The following PHF21B variants were observed in gnomAD, a reference collection of about 807,000 sequenced individuals.
The protein encoded by PHF21B is PHD finger protein 21B.
PHF21B carries 22 observed loss-of-function variants against 62.2 expected under a neutral mutation model. That is an observed-to-expected ratio of 0.35 (90% CI 0.25 to 0.51). The LOEUF is 0.51. Ranked by LOEUF, PHF21B falls within the 20% of genes least tolerant of loss-of-function variation. The pLI, the probability that PHF21B is intolerant of heterozygous loss-of-function variation, is 0.97. For synonymous variants in PHF21B, 341 were observed against 314.7 expected, an observed-to-expected ratio of 1.08 and a Z score of -0.88; for missense variants, 701 against 707.9, an observed-to-expected ratio of 0.99 and a Z score of 0.11.
At chr22:44,884,561 C>A (rs538983630) in intron 12 of PHF21B, among the ~76,000 whole-genome samples, 2 of 58,990 alleles carry the variant, frequency 3.4e-5, no homozygotes, top group Admixed American at 1.9e-4. Context: ...CAACCATGAT[C>A]GCCATTATCA....
At position 45,009,664 on chromosome 22, in the gene PHF21B, G is replaced by C. The variant is rs987687108; in HGVS notation, c.-115C>G. On this transcript the variant is annotated 5_prime_UTR_variant, in exon 1 of 13. Coordinates refer to ENST00000313237, the MANE Select transcript of PHF21B (RefSeq NM_138415.5). This position sits in a 1 kb window ranked among gnomAD's most constrained non-coding sequence, Gnocchi z 5.9. Reference sequence around the variant, plus strand: ...GGACGCGGCCTCCGGGCTGGGTTGGGGGGGACACGAGCCCCCTCCCCCACG... The same window carrying C: ...GGACGCGGCCTCCGGGCTGGGTTGGCGGGGACACGAGCCCCCTCCCCCACG... 1.8e-5 allele frequency: 18 copies of C among 1,013,760 alleles called. No homozygotes were observed. The highest frequency in any genetic ancestry group is 9.4e-5 in the East Asian group (3 of 31,772). 62.8% of individuals were successfully genotyped at this position (1,013,760 alleles called of 1,614,324 possible).
At chr22:44,978,464 A>G (rs1712123781) in intron 2 of PHF21B, among the ~76,000 whole-genome samples, 1 of 152,156 alleles carries the variant, frequency 6.6e-6, no homozygotes, top group Admixed American at 6.5e-5. Context: ...GGTTCAAGCG[A>G]TTCTCCTGCT....
At chr22:44,958,718 G>C (rs1042521988) in intron 2 of PHF21B, among the ~76,000 whole-genome samples, 1 of 144,592 alleles carries the variant, frequency 6.9e-6, no homozygotes, top group Non-Finnish European at 1.5e-5. Flanking sequence ...TGACTCTCCT[G>C]CCTCAGCCTC....
intron 2 of PHF21B, among the ~76,000 whole-genome samples, chr22:44,952,287 G>A (rs969408015): frequency 6.6e-6 from 1 of 152,148 alleles, no homozygotes; most frequent in African/African-American, 2.4e-5. Context: ...AGGTTGCAGT[G>A]AGCCGAGATC....
intron 2 of PHF21B, among the ~76,000 whole-genome samples, chr22:45,005,285 G>A (rs1472814445): frequency 6.6e-6 from 1 of 152,148 alleles, no homozygotes; most frequent in African/African-American, 2.4e-5. Context: ...GCAAAGTGCA[G>A]CCACACCTGG....
chr22:44,976,917 C>T (rs761784197), intron 2 of PHF21B, among the ~76,000 whole-genome samples: 9 of 152,096 alleles, frequency 5.9e-5, no homozygotes, highest in Non-Finnish European at 1.2e-4. Context: ...GTGTGAGGAC[C>T]GCTTGAGCCC....
chr22:44,964,585 T>C (rs373879092), intron 2 of PHF21B, among the ~76,000 whole-genome samples: 44 of 152,364 alleles, frequency 2.9e-4, no homozygotes, highest in Admixed American at 1.4e-3. Context: ...GCTGCAGTGA[T>C]TAGTAACTAC....
At chr22:44,888,602 G>A (rs971347313) in intron 9 of PHF21B, among the ~76,000 whole-genome samples, 13 of 152,184 alleles carry the variant, frequency 8.5e-5, no homozygotes, top group Admixed American at 7.8e-4. Context: ...GCGTAGCCCC[G>A]GCCAAGACCC....
intron 2 of PHF21B, among the ~76,000 whole-genome samples, chr22:44,938,925 T>C (rs995759407): frequency 8.5e-5 from 13 of 152,196 alleles, no homozygotes; most frequent in African/African-American, 3.1e-4. Context: ...TATGCATTGA[T>C]AGCACCTGGA....
intron 5 of PHF21B, among the ~76,000 whole-genome samples, chr22:44,898,369 C>T (rs995041892): frequency 1.3e-5 from 2 of 152,120 alleles, no homozygotes; most frequent in African/African-American, 2.4e-5. Flanking sequence ...GGGCGTAGAC[C>T]ACCCACCTGA....
rs12628013 is a variant in PHF21B at position 44,883,576 on chromosome 22, C to T, written c.1378-272G>A. Among the ~76,000 whole-genome samples the T allele has an allele frequency of 8.5e-5, 13 of 152,202 alleles. 3 individuals carry two copies. Among genetic ancestry groups the T allele is most frequent in the Admixed American group, 6.5e-5 (1 of 15,296 alleles). ...GGCTGTGATGTGACCTCCTCCTCCC[C>T]GCTAGCTGCCCACACTCTTCCTCCT... On this transcript the variant is annotated intron_variant, in intron 12 of 12. Coordinates refer to ENST00000313237, the MANE Select transcript of PHF21B (RefSeq NM_138415.5).
intron 5 of PHF21B, among the ~76,000 whole-genome samples, chr22:44,908,793 T>G (rs1423695176): frequency 6.6e-6 from 1 of 152,180 alleles, no homozygotes; most frequent in African/African-American, 2.4e-5. Context: ...TTGGTATGCA[T>G]GTATGTGTGT....
intron 2 of PHF21B, among the ~76,000 whole-genome samples, chr22:44,978,041 A>G (rs939345640): frequency 1.3e-5 from 2 of 152,264 alleles, no homozygotes; most frequent in South Asian, 2.1e-4. Flanking sequence ...ATACATGTGC[A>G]TATTTATCCA....
intron 2 of PHF21B, among the ~76,000 whole-genome samples, chr22:44,926,471 T>A (rs760415852): frequency 1.3e-5 from 2 of 152,208 alleles, no homozygotes; most frequent in African/African-American, 2.4e-5. Context: ...CCTCCAGGCA[T>A]GGGCCAGCCC....
At chr22:44,903,913 T>A (rs1027210889) in intron 5 of PHF21B, among the ~76,000 whole-genome samples, 25 of 152,218 alleles carry the variant, frequency 1.6e-4, no homozygotes, top group Admixed American at 2.6e-4. Context: ...TCTCTAAAAG[T>A]AGGAAGATTT....
intron 6 of PHF21B, among the ~76,000 whole-genome samples, chr22:44,894,090 C>G (rs1294816288): frequency 6.6e-6 from 1 of 152,234 alleles, no homozygotes; most frequent in African/African-American, 2.4e-5. Context: ...ACCTGCCTCT[C>G]TGTGTGCAGC....
chr22:44,895,990 T>C (rs1471192679), intron 6 of PHF21B, 42 bp downstream of exon 6: 2 of 1,611,832 alleles, frequency 1.2e-6, no homozygotes, highest in Non-Finnish European at 1.7e-6. Flanking sequence ...GGCTTTCGGG[T>C]CAGTCCCAGC....
chr22:44,978,737 C>T lies in PHF21B; in HGVS notation c.120+29808G>A, dbSNP rs189405306. Among the ~76,000 whole-genome samples the T allele has an allele frequency of 2.0e-5, 3 of 152,344 alleles. No homozygotes were observed. The East Asian group carries it at 5.8e-4, about 29-fold the overall frequency. Reference sequence around the variant, plus strand: ...TGTAGAATGACCGCCCTTTTTTCCTCTTCTACTACACCTGCCCAATCTCCT... The same window carrying T: ...TGTAGAATGACCGCCCTTTTTTCCTTTTCTACTACACCTGCCCAATCTCCT... On this transcript the variant is annotated intron_variant, in intron 2 of 12. Coordinates refer to ENST00000313237, the MANE Select transcript of PHF21B (RefSeq NM_138415.5).
chr22:44,961,378 C>G (rs577195240), intron 2 of PHF21B, among the ~76,000 whole-genome samples: 205 of 152,268 alleles, frequency 1.3e-3, no homozygotes, highest in Non-Finnish European at 2.3e-3. Flanking sequence ...GTAGTGAGCA[C>G]AGTACCCAAC....
Sources: allele counts gnomAD v4.1 joint callset (sites outside exome capture counted in the v4.1 genomes callset), GRCh38; gene constraint gnomAD v4.1.1; non-coding constraint Gnocchi (gnomAD v3.1); transcripts MANE v1.5; gene names NCBI Gene and HGNC (gene_info 2026-07-23, HGNC 2026-07-21).